The following ARID5B variants were observed in gnomAD, a reference collection of about 807,000 sequenced individuals.
The protein encoded by ARID5B is AT-rich interactive domain-containing protein 5B.
In ARID5B, 13 loss-of-function variants were observed where a neutral mutation model predicts 97.2. The observed-to-expected ratio is 0.13, with a 90% CI of 0.09 to 0.21. The LOEUF (loss-of-function observed/expected upper bound fraction) is 0.21, where lower values mean the gene tolerates loss of function less well. Ranked by LOEUF, ARID5B falls within the 10% of genes least tolerant of loss-of-function variation. ARID5B has a pLI of 1.00. For synonymous variants in ARID5B, 556 were observed against 570.3 expected (o/e 0.97, Z 0.36); for missense variants, 1,210 against 1,465.3 (o/e 0.83, Z 2.84).
At chr10:62,066,227 C>A (rs543293190) in intron 7 of ARID5B, among the ~76,000 whole-genome samples, 22 of 152,308 alleles carry the variant, frequency 1.4e-4, no homozygotes, top group Middle Eastern at 3.4e-3. Flanking sequence ...CCTTATTGGG[C>A]TCTGAGACCC....
chr10:61,984,632 AT>A (rs1398842742), intron 3 of ARID5B, among the ~76,000 whole-genome samples: 1 of 152,168 alleles, frequency 6.6e-6, no homozygotes, highest in Non-Finnish European at 1.5e-5. Context: ...ATCCTCCAAT[AT>A]ATCCTCCACT....
rs137972661 is a variant in ARID5B at position 62,061,080 on chromosome 10, A to G, written c.1101+1785A>G. Among the ~76,000 whole-genome samples, 101 of 152,364 alleles carry G rather than the reference A, an allele frequency of 6.6e-4. 2 individuals carry two copies. The highest frequency in any genetic ancestry group is 2.3e-3 in the African/African-American group (97 of 41,586). ...ACACCTGACCACATATTTACTGAGT[A>G]CCTTATGTGTATGAGGCATTGTTTT... is the stretch of plus-strand genomic sequence containing the variant. On this transcript the variant is annotated intron_variant, in intron 7 of 9. Transcript: ENST00000279873.
At chr10:61,915,574 A>G (rs1258546161) in intron 2 of ARID5B, among the ~76,000 whole-genome samples, 1 of 152,150 alleles carries the variant, frequency 6.6e-6, no homozygotes, top group East Asian at 1.9e-4. Flanking sequence ...GCCAGGTTAG[A>G]GATGTCCGTT....
At chr10:61,992,256 A>G (rs1359775494) in intron 3 of ARID5B, among the ~76,000 whole-genome samples, 7 of 152,298 alleles carry the variant, frequency 4.6e-5, no homozygotes, top group Non-Finnish European at 8.8e-5. Flanking sequence ...ATAAGCTGCA[A>G]AATTCTCAAG....
intron 2 of ARID5B, among the ~76,000 whole-genome samples, chr10:61,910,320 G>C (rs1843779800): frequency 6.6e-6 from 1 of 152,146 alleles, no homozygotes; most frequent in Non-Finnish European, 1.5e-5. Context: ...ATAATTGCTT[G>C]AACCAAATGC....
rs139701296 is a variant in ARID5B, at chr10:61,917,262, T to C, written c.276+14849T>C. Among the ~76,000 whole-genome samples the C allele has an allele frequency of 2.4e-3, 372 of 152,270 alleles. 2 individuals carry two copies. Among genetic ancestry groups the C allele is most frequent in the African/African-American group, 8.7e-3 (361 of 41,554 alleles). ...GTCAGTCTGAGATATTGACAAATCT[T>C]TCCATTTTTCAAGAGAAGCCAGAAA... On this transcript the variant is annotated intron_variant, in intron 2 of 9. Coordinates refer to ENST00000279873, the MANE Select transcript of ARID5B (RefSeq NM_032199.3).
intron 4 of ARID5B, among the ~76,000 whole-genome samples, chr10:62,022,997 A>T (rs1248475695): frequency 6.6e-6 from 1 of 152,218 alleles, no homozygotes; most frequent in East Asian, 1.9e-4. Flanking sequence ...GCTGGAAACA[A>T]GTCAAAGAAA....
chr10:61,914,878 G>A (rs1345573056), intron 2 of ARID5B, among the ~76,000 whole-genome samples: 1 of 152,200 alleles, frequency 6.6e-6, no homozygotes, highest in Non-Finnish European at 1.5e-5. Context: ...ACACATAGGT[G>A]AGACTCAAGA....
At chr10:62,017,412 A>G (rs1839297832) in intron 4 of ARID5B, among the ~76,000 whole-genome samples, 1 of 151,950 alleles carries the variant, frequency 6.6e-6, no homozygotes, top group Non-Finnish European at 1.5e-5. Flanking sequence ...AGATCACGTC[A>G]TTGCACTCCA....
In ARID5B at chr10:62,094,637, G is replaced by T. The variant is rs1840438443; in HGVS notation, c.*1607G>T. On this transcript the variant is annotated 3_prime_UTR_variant, in exon 10 of 10. Transcript: ENST00000279873. ...TCATTCTTGCCACTGTATTCCATTT[G>T]CTACCGAGATATAACATTAAGGTGG... 1 of 230,656 alleles carries T rather than the reference G, an allele frequency of 4.3e-6. No individual in the cohort carries two copies. The highest frequency in any genetic ancestry group is 8.6e-6 in the Non-Finnish European group (1 of 116,512). 14.3% of individuals were successfully genotyped at this position (230,656 alleles called of 1,614,324 possible).
At chr10:62,050,396 T>A (rs1839771227) in intron 4 of ARID5B, among the ~76,000 whole-genome samples, 1 of 152,230 alleles carries the variant, frequency 6.6e-6, no homozygotes, top group South Asian at 2.1e-4. Flanking sequence ...TCTACTTATC[T>A]GTATGGTAAT....
intron 3 of ARID5B, among the ~76,000 whole-genome samples, chr10:61,947,261 C>T (rs1177838879): frequency 1.6e-5 from 2 of 124,306 alleles, no homozygotes; most frequent in African/African-American, 3.0e-5. Flanking sequence ...CACTTACTTT[C>T]TTTTTTTTTT....
chr10:61,947,746 A>G (rs1589230603), intron 3 of ARID5B, among the ~76,000 whole-genome samples: 1 of 152,202 alleles, frequency 6.6e-6, no homozygotes, highest in Admixed American at 6.5e-5. Context: ...ATATTCATTT[A>G]TGCTGTCTAC....
rs537818941 is a variant in ARID5B, at chr10:62,019,295, G to A, written c.733+18974G>A. On this transcript the variant is annotated intron_variant, in intron 4 of 9. Transcript: ENST00000279873. ...TTTATCATGAATTACGTCAGCCTTCGTTTAAATTGCTATTATTTCTCCTTA... is the reference window on the plus strand; with the variant it reads ...TTTATCATGAATTACGTCAGCCTTCATTTAAATTGCTATTATTTCTCCTTA... Among the ~76,000 whole-genome samples the A allele has an allele frequency of 6.6e-5, 10 of 152,274 alleles. No homozygotes were observed. In the South Asian group the frequency reaches 1.0e-3, roughly 16 times the overall value.
At position 61,978,082 on chromosome 10, in the gene ARID5B, G is replaced by A. The variant is rs531312294; in HGVS notation, c.503-22009G>A. 3.9e-4 allele frequency among the ~76,000 whole-genome samples: 60 copies of A among 152,142 alleles called. 2 individuals are homozygous for A. In the South Asian group the frequency reaches 6.0e-3, roughly 15 times the overall value. On this transcript the variant is annotated intron_variant, in intron 3 of 9. Transcript: ENST00000279873. ...CAGTTTCAGCTTTCTACATATGGCT[G>A]GCCAGTTTTCCCAGCACCATTTATT...
intron 9 of ARID5B, among the ~76,000 whole-genome samples, chr10:62,089,574 CTA>C (rs1180894783): frequency 5.2e-5 from 7 of 135,840 alleles, no homozygotes; most frequent in Non-Finnish European, 9.2e-5. Context: ...GTTGCCCAAG[CTA>C]TAGTGCAATG....
chr10:62,069,400 GGTATGA>G (rs2132953152), intron 7 of ARID5B, among the ~76,000 whole-genome samples: 1 of 152,268 alleles, frequency 6.6e-6, no homozygotes, highest in East Asian at 1.9e-4. Context: ...AAAGGAACAG[GGTATGA>G]GTATGAGTCC....
intron 4 of ARID5B, among the ~76,000 whole-genome samples, chr10:62,043,771 C>T (rs530453216): frequency 6.6e-6 from 1 of 152,300 alleles, no homozygotes; most frequent in African/African-American, 2.4e-5. Context: ...AAACCTTGAT[C>T]AGGAGCATTA....
At chr10:61,987,779 C>A (rs1838867160) in intron 3 of ARID5B, among the ~76,000 whole-genome samples, 1 of 152,182 alleles carries the variant, frequency 6.6e-6, no homozygotes, top group Admixed American at 6.5e-5. Context: ...ACAGAAATAA[C>A]CTTAAAGAAA....
Sources: allele counts gnomAD v4.1 joint callset (sites outside exome capture counted in the v4.1 genomes callset), GRCh38; gene constraint gnomAD v4.1.1; transcripts MANE v1.5; gene names NCBI Gene and HGNC (gene_info 2026-07-23, HGNC 2026-07-21).